The following CABLES1 variants were observed in gnomAD, a reference collection of about 807,000 sequenced individuals.
The protein encoded by CABLES1 is CDK5 and ABL1 enzyme substrate 1.
A neutral mutation model predicts 57.8 loss-of-function variants in CABLES1; 36 were observed. The observed-to-expected ratio is 0.62, with a 90% CI of 0.48 to 0.82. CABLES1 has a LOEUF of 0.82. Among genes scored for constraint, CABLES1 ranks in the 40% least tolerant of loss-of-function variants. The pLI is 0.00. For synonymous variants in CABLES1, 374 were observed against 363.0 expected, an observed-to-expected ratio of 1.03 and a Z score of -0.35; for missense variants, 767 against 836.6, an observed-to-expected ratio of 0.92 and a Z score of 1.03.
intron 1 of CABLES1, among the ~76,000 whole-genome samples, chr18:23,184,056 C>T (rs1353171661): frequency 2.6e-5 from 4 of 152,144 alleles, no homozygotes; most frequent in Non-Finnish European, 5.9e-5. Context: ...AGGTCCTCAT[C>T]TTTGGCTGGA....
intron 3 of CABLES1, among the ~76,000 whole-genome samples, chr18:23,196,082 C>T (rs2047280462): frequency 6.6e-6 from 1 of 152,166 alleles, no homozygotes; most frequent in African/African-American, 2.4e-5. Flanking sequence ...TGAGAGGATA[C>T]AGTTAATAAA....
chr18:23,145,037 G>T (rs1313124898), intron 1 of CABLES1, among the ~76,000 whole-genome samples: 1 of 151,604 alleles, frequency 6.6e-6, no homozygotes, highest in Non-Finnish European at 1.5e-5. Flanking sequence ...CTGGGTTCAA[G>T]CAATTCTCCT....
chr18:23,149,515 C>T (rs1450465002), intron 1 of CABLES1, among the ~76,000 whole-genome samples: 2 of 152,146 alleles, frequency 1.3e-5, no homozygotes, highest in African/African-American at 4.8e-5. Context: ...CTACTGAGCT[C>T]AAGCAGTGTA....
intron 1 of CABLES1, among the ~76,000 whole-genome samples, chr18:23,151,015 GTTTT>G (rs56227106): frequency 1.4e-4 from 13 of 94,822 alleles, no homozygotes; most frequent in African/African-American, 2.5e-4. Context: ...CCTGGCCTAC[GTTTT>G]TTTTTTTTTT....
At chr18:23,195,030 T>A (rs992649289) in intron 3 of CABLES1, among the ~76,000 whole-genome samples, 4 of 152,226 alleles carry the variant, frequency 2.6e-5, no homozygotes, top group Non-Finnish European at 4.4e-5. Context: ...TCAGTGCTGA[T>A]CCTGCTTCCT....
intron 1 of CABLES1, among the ~76,000 whole-genome samples, chr18:23,161,676 C>T (rs1289919843): frequency 6.7e-6 from 1 of 148,380 alleles, no homozygotes; most frequent in Non-Finnish European, 1.5e-5. Context: ...TTTGGGAGGC[C>T]GAGGAGGGTG....
chr18:23,249,670 C>T (rs1282576564), intron 7 of CABLES1, among the ~76,000 whole-genome samples: 6 of 152,156 alleles, frequency 3.9e-5, no homozygotes, highest in Admixed American at 3.3e-4. Context: ...CATCTCATCT[C>T]GTTTTGGAGG....
At position 23,258,322 on chromosome 18, in the gene CABLES1, G is replaced by T. The variant is rs10210; in HGVS notation, c.*955G>T. On this transcript the variant is annotated 3_prime_UTR_variant, in exon 10 of 10. Coordinates refer to ENST00000256925, the MANE Select transcript of CABLES1 (RefSeq NM_001100619.3). ...GCACATTTACTGTGCTATCTATATC[G>T]CTATATAAAAGTGTTTTATAAAAAC... 0.58 allele frequency: 88,450 copies of T among 152,532 alleles called. 25,838 individuals are homozygous for T. The highest frequency in any genetic ancestry group is 0.64 in the African/African-American group (26,590 of 41,516). 9.4% of individuals were successfully genotyped at this position (152,532 alleles called of 1,614,324 possible). A position where few individuals can be genotyped will look rare whatever the true frequency, so the allele number is the denominator to read the frequency against.
At chr18:23,256,484 TTTTA>T (rs2048169571) in intron 9 of CABLES1, among the ~76,000 whole-genome samples, 1 of 152,164 alleles carries the variant, frequency 6.6e-6, no homozygotes, top group Non-Finnish European at 1.5e-5. Context: ...GCTTTATTAT[TTTTA>T]TTTATTTTTT....
rs2145137300 is a variant in CABLES1 at position 23,253,794 on chromosome 18, T to C, written c.1619T>C (p.Met540Thr). The C allele has an allele frequency of 6.2e-7, 1 of 1,614,246 alleles. No homozygotes were observed. The highest frequency in any genetic ancestry group is 8.5e-7 in the Non-Finnish European group (1 of 1,180,048). ...DCGLEEPTVA[M>T]AFVYFEKLAL... Reference sequence around the variant, plus strand: ...GGCCTTGAGGAGCCCACGGTGGCCATGGCCTTCGTCTACTTTGAAAAGCTC... The same window carrying C: ...GGCCTTGAGGAGCCCACGGTGGCCACGGCCTTCGTCTACTTTGAAAAGCTC... Residue 540 changes from methionine (M) to threonine (T), a missense_variant, in exon 9 of 10, where the codon ATG becomes ACG. Around this residue, in one of 4 missense-constraint regions of CABLES1, gnomAD observed 529 missense variants for 622.8 expected, o/e 0.85. Coordinates refer to ENST00000256925, the MANE Select transcript of CABLES1 (RefSeq NM_001100619.3).
chr18:23,181,616 C>T (rs2047167844), intron 1 of CABLES1, among the ~76,000 whole-genome samples: 1 of 151,080 alleles, frequency 6.6e-6, no homozygotes, highest in East Asian at 2.0e-4. Context: ...GAATACCCAC[C>T]TACCTGGTGA....
chr18:23,221,142 A>G (rs2047483957), intron 4 of CABLES1, among the ~76,000 whole-genome samples: 1 of 152,214 alleles, frequency 6.6e-6, no homozygotes, highest in Non-Finnish European at 1.5e-5. Context: ...TCTTTGAGAA[A>G]GGGTGCAGCA....
chr18:23,224,657 C>T (rs1368384950), intron 4 of CABLES1, among the ~76,000 whole-genome samples: 1 of 149,556 alleles, frequency 6.7e-6, no homozygotes, highest in Non-Finnish European at 1.5e-5. Context: ...CAAGCTCCGC[C>T]TCCTGGGTTC....
At chr18:23,210,711 G>A (rs74661288) in intron 3 of CABLES1, among the ~76,000 whole-genome samples, 2 of 152,096 alleles carry the variant, frequency 1.3e-5, no homozygotes, top group South Asian at 2.1e-4. Flanking sequence ...TGTGGTTCAC[G>A]CCTGCAGTCC....
intron 4 of CABLES1, among the ~76,000 whole-genome samples, chr18:23,232,794 T>C (rs747834524): frequency 6.6e-6 from 1 of 152,122 alleles, no homozygotes; most frequent in Non-Finnish European, 1.5e-5. Flanking sequence ...CTCCACATTA[T>C]GGGTAGGATA....
intron 3 of CABLES1, among the ~76,000 whole-genome samples, chr18:23,198,305 A>G (rs957638852): frequency 3.3e-5 from 5 of 152,168 alleles, no homozygotes; most frequent in African/African-American, 9.7e-5. Flanking sequence ...CATTAACTCA[A>G]AACTCAGTAG....
intron 3 of CABLES1, chr18:23,198,176 C>CTTGAGT (rs2047298443): frequency 6.6e-6 from 1 of 152,086 alleles, no homozygotes; most frequent in African/African-American, 2.4e-5. Flanking sequence ...GGGAGGATTG[C>CTTGAGT]TTGAGTCTGG....
At chr18:23,172,832 A>G (rs1197505936) in intron 1 of CABLES1, among the ~76,000 whole-genome samples, 1 of 152,186 alleles carries the variant, frequency 6.6e-6, no homozygotes, top group Non-Finnish European at 1.5e-5. Context: ...TGCACTAATA[A>G]TATATTTCCA....
chr18:23,149,057 A>AT (rs1371293393), intron 1 of CABLES1, among the ~76,000 whole-genome samples: 3 of 151,326 alleles, frequency 2.0e-5, no homozygotes, highest in East Asian at 1.9e-4. Context: ...GCCCAGATAA[A>AT]TTTTTTTTGT....
Sources: gnomAD v4.1 joint callset for allele counts (sites outside exome capture counted in the v4.1 genomes callset) on GRCh38, gnomAD v4.1.1 for gene constraint, gnomAD v4.1.1 regional missense constraint, MANE v1.5 for transcripts, NCBI Gene and HGNC (gene_info 2026-07-23, HGNC 2026-07-21) for gene names.